ACP6: variants seen among roughly 807,000 people sequenced by gnomAD.
The protein encoded by ACP6 is acid phosphatase 6, lysophosphatidic.
ACP6 carries 48 observed loss-of-function variants against 48.1 expected under a neutral mutation model. That is an observed-to-expected ratio of 1.00 (90% CI 0.79 to 1.27). The LOEUF (loss-of-function observed/expected upper bound fraction) is 1.27. ACP6 is among the 50% of genes most tolerant of loss of function. The probability of loss-of-function intolerance (pLI) is 0.00; values close to 1 mark genes in which losing one functional copy is unlikely to be tolerated. For synonymous variants in ACP6, 172 were observed against 204.2 expected (o/e 0.84, Z 1.34); for missense variants, 485 against 529.1 (o/e 0.92, Z 0.82).
At chr1:147,654,128 C>G in intron 6 of ACP6, 66 bp downstream of exon 6, 1 of 1,582,262 alleles carries the variant, frequency 6.3e-7, no homozygotes, top group Non-Finnish European at 8.6e-7. Context: ...TTCTCTCCAC[C>G]CGGTTCTAAC....
downstream of ACP6, among the ~76,000 whole-genome samples, chr1:147,641,588 C>T (rs10494247): frequency 0.52 from 79,118 of 152,002 alleles, 20,816 homozygotes; most frequent in Non-Finnish European, 0.55. Context: ...TGTGGGAATT[C>T]TTTAAACCTC....
chr1:147,652,340 C>T (rs1228537624), intron 7 of ACP6, 109 bp downstream of exon 7: 11 of 1,125,310 alleles, frequency 9.8e-6, no homozygotes, highest in African/African-American at 7.8e-5. Context: ...CCTCCTTACA[C>T]GAGGAGACAT....
At position 147,646,762 on chromosome 1, in the gene ACP6, C is replaced by T. The variant is rs1230086878; in HGVS notation, c.*661G>A. The T allele has an allele frequency of 6.6e-6, 1 of 152,422 alleles. No homozygotes were observed. The highest frequency in any genetic ancestry group is 1.5e-5 in the Non-Finnish European group (1 of 68,122). The allele number at this position is 152,422 out of a possible 1,614,324, so 9.4% of individuals were successfully genotyped here. A position where few individuals can be genotyped will look rare whatever the true frequency, so the allele number is the denominator to read the frequency against. On this transcript the variant is annotated 3_prime_UTR_variant, in exon 10 of 10. Coordinates refer to ENST00000583509, the MANE Select transcript of ACP6 (RefSeq NM_016361.5). The stretch of plus-strand genomic sequence containing the variant: ...CCACATCAGGGTTCCATCTCACCAC[C>T]CAGCAACGTTCCCTGACCTTGAAGC...
At chr1:147,662,494 T>G (rs587601832) in intron 1 of ACP6, among the ~76,000 whole-genome samples, 100 of 152,326 alleles carry the variant, frequency 6.6e-4, no homozygotes, top group African/African-American at 2.4e-3. Flanking sequence ...CCAACCCTCA[T>G]GGATGACTTT....
In ACP6 at chr1:147,659,439, C is replaced by T; in HGVS notation, c.436G>A (p.Asp146Asn). Residue 146 changes from aspartate (D) to asparagine (N), a missense_variant, in exon 3 of 10, where the codon GAC (aspartate) becomes AAC (asparagine). Coordinates refer to ENST00000583509, the MANE Select transcript of ACP6 (RefSeq NM_016361.5). ...AAGGTTGGTGAAAGAAAGGGAATGTCTTCCACATAGTTCTTCCTCAGTCTC... is the reference window on the plus strand; with the variant it reads ...AAGGTTGGTGAAAGAAAGGGAATGTTTTCCACATAGTTCTTCCTCAGTCTC... ...GERLRKNYVE[D>N]IPFLSPTFNP... 1.9e-6 allele frequency: 3 copies of T among 1,614,234 alleles called. No individual in the cohort carries two copies. Among genetic ancestry groups the T allele is most frequent in the East Asian group, 2.2e-5 (1 of 44,884 alleles).
intron 1 of ACP6, among the ~76,000 whole-genome samples, chr1:147,669,496 A>G (rs1553214200): frequency 6.6e-6 from 1 of 152,214 alleles, no homozygotes; most frequent in Non-Finnish European, 1.5e-5. Context: ...TAGACCCTTA[A>G]TAGAAATGCT....
chr1:147,648,553 T>C (rs1659751747), intron 8 of ACP6, 142 bp from the exon 9 acceptor site: 5 of 942,044 alleles, frequency 5.3e-6, no homozygotes, highest in Non-Finnish European at 7.9e-6. Context: ...ATAAAAGTCC[T>C]TTGCAGTAGA....
intron 1 of ACP6, among the ~76,000 whole-genome samples, chr1:147,661,218 C>T (rs587695848): frequency 6.6e-6 from 1 of 152,284 alleles, no homozygotes; most frequent in African/African-American, 2.4e-5. Flanking sequence ...ACTGAAACGT[C>T]TGCCTCCTGG....
intron 9 of ACP6, 26 bp downstream of exon 9, chr1:147,648,220 A>G: frequency 1.9e-6 from 3 of 1,612,508 alleles, no homozygotes; most frequent in Non-Finnish European, 2.5e-6. Flanking sequence ...CCTCACCACC[A>G]CCCAACCCCA....
At chr1:147,636,338 T>G (rs1359386577) in intron 5 of ACP6, among the ~76,000 whole-genome samples, 2 of 152,002 alleles carry the variant, frequency 1.3e-5, no homozygotes, top group South Asian at 2.1e-4. Context: ...GTGGGAAGGA[T>G]TGAGGACACA....
intron 5 of ACP6, among the ~76,000 whole-genome samples, chr1:147,636,947 AT>A (rs1174246900): frequency 6.6e-6 from 1 of 152,220 alleles, no homozygotes; most frequent in African/African-American, 2.4e-5. Context: ...AAATTCCATG[AT>A]GGGATGGTGG....
At chr1:147,660,338 C>T (rs1660484228) in intron 1 of ACP6, among the ~76,000 whole-genome samples, 1 of 152,194 alleles carries the variant, frequency 6.6e-6, no homozygotes, top group South Asian at 2.1e-4. Flanking sequence ...CCCAACTGTG[C>T]TGTAATGATT....
At chr1:147,664,523 T>C (rs2148916094) in intron 1 of ACP6, among the ~76,000 whole-genome samples, 1 of 152,322 alleles carries the variant, frequency 6.6e-6, no homozygotes, top group South Asian at 2.1e-4. Flanking sequence ...TGGCTCTCTT[T>C]AGTAGCCTTT....
rs190223390 is a variant in ACP6, at chr1:147,657,291, C to T, written c.559+1669G>A. On this transcript the variant is annotated intron_variant, in intron 4 of 9. Coordinates refer to ENST00000583509, the MANE Select transcript of ACP6 (RefSeq NM_016361.5). ...TGGCCAGTGGGCAGACCAACAATCT[C>T]CAGCTTTCCCCACAGCCTGATTCTC... Among the ~76,000 whole-genome samples the T allele has an allele frequency of 5.3e-5, 8 of 152,318 alleles. No individual in the cohort carries two copies. In the East Asian group the frequency reaches 1.5e-3, roughly 29 times the overall value.
At chr1:147,657,373 C>T (rs1660309356) in intron 4 of ACP6, among the ~76,000 whole-genome samples, 1 of 152,138 alleles carries the variant, frequency 6.6e-6, no homozygotes, top group African/African-American at 2.4e-5. Context: ...AAAGCAATAT[C>T]CCAAAGTTGC....
chr1:147,654,358 T>A, intron 5 of ACP6, 32 bp from the exon 6 acceptor site: 1 of 1,608,784 alleles, frequency 6.2e-7, no homozygotes, highest in Non-Finnish European at 8.5e-7. Context: ...AGCCTTATAT[T>A]CTATAGTGAT....
chr1:147,666,583 G>A (rs1055812031), intron 1 of ACP6, among the ~76,000 whole-genome samples: 2 of 152,244 alleles, frequency 1.3e-5, no homozygotes, highest in East Asian at 1.9e-4. Context: ...TGGGATAACC[G>A]CATTTGGATT....
Position 147,647,547 on chromosome 1 carries a change from C to T in ACP6, c.1163G>A (p.Cys388Tyr). ...YHGKEQVPRG[C>Y]PDGLCPLDMF... is the part of the protein sequence containing the mutation. Reference sequence around the variant, plus strand: ...GTCCAGCGGGCAGAGCCCATCAGGGCAACCTCTCGGCACCTGCTCCTGCAG... The same window carrying T: ...GTCCAGCGGGCAGAGCCCATCAGGGTAACCTCTCGGCACCTGCTCCTGCAG... Residue 388 changes from cysteine to tyrosine, a missense_variant, in exon 10 of 10, where the codon TGC (cysteine) becomes TAC (tyrosine). Physicochemically the swap from Cys to Tyr is radical, Grantham distance 194 (BLOSUM62 -2). Transcript: ENST00000583509. The T allele has an allele frequency of 6.2e-7, 1 of 1,613,402 alleles. No homozygotes were observed. The highest frequency in any genetic ancestry group is 8.5e-7 in the Non-Finnish European group (1 of 1,179,970).
In ACP6 at chr1:147,659,749, C is replaced by G; in HGVS notation, c.246G>C (p.Glu82Asp). 2 of 1,613,952 alleles carry G rather than the reference C, an allele frequency of 1.2e-6. No individual in the cohort carries two copies. The highest frequency in any genetic ancestry group is 1.7e-6 in the Non-Finnish European group (2 of 1,180,022). ...EQVEWNPQLL[E>D]VPPQTQFDYT... ...AATCAAACTGAGTTTGGGGTGGGACCTCTAATAGCTGGGGGTTCCACTCTA... is the reference window on the plus strand; with the variant it reads ...AATCAAACTGAGTTTGGGGTGGGACGTCTAATAGCTGGGGGTTCCACTCTA... The change falls in exon 2 of 10, where the codon GAG (glutamate) becomes GAC (aspartate). Residue 82 changes from glutamate (E) to aspartate (D), a missense_variant. Glu to Asp is a conservative substitution (Grantham distance 45). Transcript: ENST00000583509.
Sources: allele counts gnomAD v4.1 joint callset (sites outside exome capture counted in the v4.1 genomes callset), GRCh38; gene constraint gnomAD v4.1.1; transcripts MANE v1.5; gene names NCBI Gene and HGNC (gene_info 2026-07-23, HGNC 2026-07-21).